Variants in TNIK observed in about 807,000 individuals in gnomAD.
TNIK encodes TRAF2 and NCK interacting kinase, also known as TRAF2 and NCK-interacting protein kinase.
Under a neutral mutation model 191.3 loss-of-function variants are expected in TNIK, and 49 were observed. That is an observed-to-expected ratio of 0.26 (90% CI 0.20 to 0.32). The LOEUF (loss-of-function observed/expected upper bound fraction) is 0.32, where lower values mean the gene tolerates loss of function less well. Ranked by LOEUF, TNIK falls within the 10% of genes least tolerant of loss-of-function variation. TNIK has a pLI of 1.00. For synonymous variants in TNIK, 594 were observed against 600.9 expected (o/e 0.99, Z 0.17); for missense variants, 1,155 against 1,702.3 (o/e 0.68, Z 5.66).
chr3:171,364,102 G>A (rs138489955), intron 2 of TNIK, among the ~76,000 whole-genome samples: 3 of 152,268 alleles, frequency 2.0e-5, no homozygotes, highest in African/African-American at 7.2e-5. Flanking sequence ...TTGAACAACA[G>A]AATGAGCATT....
chr3:171,119,368 T>A (rs1446320436), intron 18 of TNIK, among the ~76,000 whole-genome samples: 1 of 152,222 alleles, frequency 6.6e-6, no homozygotes, highest in Non-Finnish European at 1.5e-5. Flanking sequence ...TCAACCATTG[T>A]GGAAGACAGT....
Position 171,125,999 on chromosome 3 carries a change from G to T in TNIK, c.1926C>A (p.Pro642=). Residue 642 remains proline (P), a synonymous_variant, in exon 17 of 33, where the codon CCC becomes CCA. Coordinates refer to ENST00000436636, the MANE Select transcript of TNIK (RefSeq NM_015028.4). The part of the protein sequence containing the change: ...RVEMPRQNSD[P]TSENPPLPTR... ...TGGGGAGAGGAGGATTTTCCGAGGT[G>T]GGATCTGAGTTCTGGCGTGGCATCT... The T allele has an allele frequency of 6.2e-7, 1 of 1,613,972 alleles. No individual in the cohort carries two copies. Among genetic ancestry groups the T allele is most frequent in the Non-Finnish European group, 8.5e-7 (1 of 1,179,890 alleles).
chr3:171,457,357 T>C (rs925038095), intron 1 of TNIK, among the ~76,000 whole-genome samples: 2 of 152,196 alleles, frequency 1.3e-5, no homozygotes, highest in Non-Finnish European at 2.9e-5. Context: ...CTGCTTTTAA[T>C]GCTTTGAGCC....
Position 171,066,381 on chromosome 3 carries a change from ACAGC to A in TNIK, c.3860-59_3860-56del, listed in dbSNP as rs531105338. 1.0e-3 allele frequency: 1,612 copies of A among 1,606,986 alleles called. 2 individuals carry two copies. The highest frequency in any genetic ancestry group is 4.6e-3 in the South Asian group (412 of 90,356). ...AAAAACATTAGATGGGCAATAACTC[ACAGC>A]ATCTGTTCACATCTTAACCACAAAA... On this transcript the variant is annotated intron_variant, in intron 31 of 32. Transcript: ENST00000436636.
intron 2 of TNIK, among the ~76,000 whole-genome samples, chr3:171,339,708 T>G (rs1757321694): frequency 6.6e-6 from 1 of 152,212 alleles, no homozygotes. Context: ...CTAAGCAGAC[T>G]TCTTGGGAAA....
At chr3:171,216,766 G>A (rs1244714608) in intron 3 of TNIK, among the ~76,000 whole-genome samples, 2 of 151,904 alleles carry the variant, frequency 1.3e-5, no homozygotes, top group South Asian at 2.1e-4. Flanking sequence ...TCCTTAAATC[G>A]ATTACATCTA....
At chr3:171,076,109 G>A (rs1719890820) in intron 28 of TNIK, among the ~76,000 whole-genome samples, 1 of 151,732 alleles carries the variant, frequency 6.6e-6, no homozygotes, top group Non-Finnish European at 1.5e-5. Flanking sequence ...TGTAAGGTCA[G>A]GGGCTTTTTT....
At chr3:171,272,617 C>A (rs1749249763) in intron 2 of TNIK, among the ~76,000 whole-genome samples, 1 of 152,118 alleles carries the variant, frequency 6.6e-6, no homozygotes, top group Non-Finnish European at 1.5e-5. Flanking sequence ...TTGATCAATT[C>A]TGCTGTTGAT....
chr3:171,315,360 C>T (rs1273641873), intron 2 of TNIK, among the ~76,000 whole-genome samples: 1 of 152,112 alleles, frequency 6.6e-6, no homozygotes, highest in Non-Finnish European at 1.5e-5. Flanking sequence ...CCTGAACTCA[C>T]CCTGATCTCT....
At position 171,369,658 on chromosome 3, in the gene TNIK, C is replaced by A; in HGVS notation, c.85G>T (p.Glu29Ter). Residue 29 changes from glutamate to a stop codon, truncating the protein, a stop_gained, in exon 2 of 33, where the codon GAA becomes TAA. Transcript: ENST00000436636. LOFTEE classifies it high-confidence loss of function. ...CCGTATGTTCCATTTCCAACAAGTT[C>A]CACCAATTCAAAGATCCCTGCGGGG... is the stretch of plus-strand genomic sequence containing the variant. Reference protein sequence around the residue: ...RDPAGIFELVELVGNGTYGQV... With the variant: ...RDPAGIFELV 6.3e-7 allele frequency: 1 copy of A among 1,575,768 alleles called. No homozygotes were observed. The highest frequency in any genetic ancestry group is 1.2e-5 in the South Asian group (1 of 85,578).
At chr3:171,186,390 T>G (rs531898400) in intron 7 of TNIK, among the ~76,000 whole-genome samples, 4 of 152,252 alleles carry the variant, frequency 2.6e-5, no homozygotes, top group Non-Finnish European at 5.9e-5. Context: ...TTGTTATTTA[T>G]TATTTACTAT....
intron 2 of TNIK, among the ~76,000 whole-genome samples, chr3:171,333,620 C>T (rs1453542043): frequency 6.6e-6 from 1 of 151,154 alleles, no homozygotes; most frequent in African/African-American, 2.4e-5. Context: ...AACACTGGAT[C>T]CCCATTCCCA....
chr3:171,268,342 A>T (rs1460272154), intron 2 of TNIK, among the ~76,000 whole-genome samples: 3 of 151,896 alleles, frequency 2.0e-5, no homozygotes, highest in African/African-American at 7.3e-5. Context: ...CCCCCACGTA[A>T]TATCTGATCA....
intron 1 of TNIK, among the ~76,000 whole-genome samples, chr3:171,454,318 C>A (rs982906791): frequency 1.3e-5 from 2 of 152,072 alleles, no homozygotes; most frequent in African/African-American, 4.8e-5. Context: ...AAGATTAATT[C>A]CAGGGCAGAG....
intron 1 of TNIK, among the ~76,000 whole-genome samples, chr3:171,436,026 A>G (rs1725988567): frequency 6.6e-6 from 1 of 151,108 alleles, no homozygotes; most frequent in Non-Finnish European, 1.5e-5. Context: ...GACTTAATCT[A>G]TATCAATATT....
intron 1 of TNIK, among the ~76,000 whole-genome samples, chr3:171,419,685 A>T (rs1723517745): frequency 6.6e-6 from 1 of 152,182 alleles, no homozygotes; most frequent in Admixed American, 6.5e-5. Flanking sequence ...TGACGTGGGG[A>T]GAGCATGGCA....
chr3:171,168,429 G>C (rs1423248878), intron 9 of TNIK, among the ~76,000 whole-genome samples: 1 of 152,174 alleles, frequency 6.6e-6, no homozygotes, highest in East Asian at 1.9e-4. Context: ...CCAGGCCTGA[G>C]AGGTGCCCTC....
At chr3:171,186,426 G>A (rs933527547) in intron 7 of TNIK, among the ~76,000 whole-genome samples, 25 of 152,272 alleles carry the variant, frequency 1.6e-4, no homozygotes, top group African/African-American at 5.8e-4. Flanking sequence ...TGTCTTTGAA[G>A]ACCACTATGA....
rs576986519 is a variant in TNIK, at chr3:171,201,021, G to C, written c.307-6386C>G. 7.9e-5 allele frequency among the ~76,000 whole-genome samples: 12 copies of C among 152,244 alleles called. No homozygotes were observed. In the South Asian group the frequency reaches 2.1e-3, roughly 26 times the overall value. ...TGGTAAAAGGAGGGGTTGGAGGCAG[G>C]GGGCAGGAAGAGGTGCAAGCGGGAA... On this transcript the variant is annotated intron_variant, in intron 4 of 32. Coordinates refer to ENST00000436636, the MANE Select transcript of TNIK (RefSeq NM_015028.4).
Sources: gnomAD v4.1 joint callset for allele counts (sites outside exome capture counted in the v4.1 genomes callset) on GRCh38, gnomAD v4.1.1 for gene constraint, MANE v1.5 for transcripts, NCBI Gene and HGNC (gene_info 2026-07-23, HGNC 2026-07-21) for gene names.